Variants in NAAA observed in about 807,000 individuals in gnomAD.
NAAA encodes the protein N-acylethanolamine acid amidase, also known as N-acylethanolamine-hydrolyzing acid amidase.
A neutral mutation model predicts 44.8 loss-of-function variants in NAAA; 39 were observed. The observed-to-expected ratio is 0.87, with a 90% CI of 0.67 to 1.14. The LOEUF (loss-of-function observed/expected upper bound fraction) is 1.14. Among genes scored for constraint, NAAA ranks in the 50% most tolerant of loss-of-function variants. NAAA has a pLI of 0.00. For synonymous variants in NAAA, 178 were observed against 191.3 expected (o/e 0.93, Z 0.58); for missense variants, 460 against 467.8 (o/e 0.98, Z 0.15).
intron 9 of NAAA, among the ~76,000 whole-genome samples, chr4:75,915,798 G>A (rs1451220942): frequency 6.6e-6 from 1 of 152,194 alleles, no homozygotes; most frequent in African/African-American, 2.4e-5. Flanking sequence ...ATCTAAGGAT[G>A]AAAAGTATAG....
intron 9 of NAAA, chr4:75,917,372 C>G (rs1487375699): frequency 6.6e-6 from 1 of 152,280 alleles, no homozygotes; most frequent in African/African-American, 2.4e-5. Context: ...TCCCTTCCCA[C>G]ACAAAGAGCT....
In NAAA at chr4:75,919,916, A is replaced by T. The variant is rs774179530; in HGVS notation, c.962T>A (p.Leu321His). 1 of 1,613,224 alleles carries T rather than the reference A, an allele frequency of 6.2e-7. No homozygotes were observed. The highest frequency in any genetic ancestry group is 1.7e-5 in the Admixed American group (1 of 60,018). ...TGQANLSLEALFQILSVVPVY... is the reference protein window; with the variant it reads ...TGQANLSLEAHFQILSVVPVY... ...CACTGTGACACAAGTTACCTGGAAA[A>T]GTGCCTCCAGGCTGAGGTTTGCTTG... Residue 321 changes from leucine (L) to histidine (H), a missense_variant, in exon 8 of 11, where the codon CTT becomes CAT. Coordinates refer to ENST00000286733, the MANE Select transcript of NAAA (RefSeq NM_014435.4).
At chr4:75,923,400 G>A (rs1000722920) in intron 5 of NAAA, among the ~76,000 whole-genome samples, 16 of 152,264 alleles carry the variant, frequency 1.1e-4, no homozygotes, top group Admixed American at 9.8e-4. Context: ...TTCTAACAAA[G>A]AGCAGCCTGA....
intron 5 of NAAA, among the ~76,000 whole-genome samples, chr4:75,924,215 C>T (rs569030739): frequency 6.6e-6 from 1 of 152,316 alleles, no homozygotes; most frequent in Non-Finnish European, 1.5e-5. Context: ...ACAAATGAGG[C>T]CGTTTCATTT....
In NAAA at chr4:75,925,719, C is replaced by T. The variant is rs1726615737; in HGVS notation, c.666+16G>A. 6.2e-7 allele frequency: 1 copy of T among 1,613,640 alleles called. No individual in the cohort carries two copies. Among genetic ancestry groups the T allele is most frequent in the Non-Finnish European group, 8.5e-7 (1 of 1,179,536 alleles). Reference sequence around the variant, plus strand: ...GGAGGTGGAGTTAAGGAGGGCTCCACATTAAATATACTCACAGCGCGGATC... The same window carrying T: ...GGAGGTGGAGTTAAGGAGGGCTCCATATTAAATATACTCACAGCGCGGATC... On this transcript the variant is annotated intron_variant, in intron 5 of 10. Coordinates refer to ENST00000286733, the MANE Select transcript of NAAA (RefSeq NM_014435.4).
chr4:75,931,164 G>T lies in NAAA; in HGVS notation c.589+50C>A, dbSNP rs778047713. ...GGTGAGTGAAGGAAGTGCTTGGATA[G>T]AACTGAACAATAATGTAGCTAAAAT... is the stretch of plus-strand genomic sequence containing the variant. On this transcript the variant is annotated intron_variant, in intron 4 of 10. Coordinates refer to ENST00000286733, the MANE Select transcript of NAAA (RefSeq NM_014435.4). The T allele has an allele frequency of 4.1e-6, 6 of 1,466,292 alleles. No homozygotes were observed. The African/African-American group carries it at 4.2e-5, about 10-fold the overall frequency. 90.8% of individuals were successfully genotyped at this position (1,466,292 alleles called of 1,614,324 possible). A position where few individuals can be genotyped will look rare whatever the true frequency, so the allele number is the denominator to read the frequency against.
Position 75,919,996 on chromosome 4 carries a change from G to A in NAAA, c.903-21C>T, listed in dbSNP as rs76986990. The A allele has an allele frequency of 4.0e-3, 6,492 of 1,608,668 alleles. 219 individuals carry two copies. In the African/African-American group the frequency reaches 0.076, roughly 19 times the overall value. On this transcript the variant is annotated intron_variant, in intron 7 of 10. Coordinates refer to ENST00000286733, the MANE Select transcript of NAAA (RefSeq NM_014435.4). ...ATGTTCTGTAAGGACAAAGGTCGAA[G>A]GTCACTTGGCATTTCAACAAGCACT... is the stretch of plus-strand genomic sequence containing the variant.
chr4:75,913,431 T>G (rs1725412390), downstream of NAAA, among the ~76,000 whole-genome samples: 1 of 152,070 alleles, frequency 6.6e-6, no homozygotes, highest in Admixed American at 6.6e-5. Context: ...ATGGACTGAG[T>G]GCTGCTTCAG....
At chr4:75,934,473 G>A (rs1372348409) in intron 3 of NAAA, among the ~76,000 whole-genome samples, 1 of 135,488 alleles carries the variant, frequency 7.4e-6, no homozygotes, top group African/African-American at 2.8e-5. Flanking sequence ...CCACCCACAC[G>A]CCCAGCTAAT....
rs201477440 is a variant in NAAA, at chr4:75,920,998, G to C, written c.792C>G (p.Asn264Lys). The C allele has an allele frequency of 3.5e-5, 56 of 1,612,036 alleles. No individual in the cohort carries two copies. The highest frequency in any genetic ancestry group is 1.2e-4 in the Admixed American group (7 of 59,222). The part of the protein sequence containing the change: ...SPREGVVITR[N>K]RDGPADIWPL... ...GCCAAATGTCTGCTGGGCCATCTCT[G>C]TTCCTCGTGATGACCACCCCCTCCC... The change falls in exon 6 of 11, where the codon AAC becomes AAG. Residue 264 changes from asparagine to lysine, a missense_variant. By Grantham distance (94) the Asn-to-Lys change is moderately conservative. Coordinates refer to ENST00000286733, the MANE Select transcript of NAAA (RefSeq NM_014435.4).
At chr4:75,930,675 G>A (rs1727148989) in intron 4 of NAAA, among the ~76,000 whole-genome samples, 2 of 152,136 alleles carry the variant, frequency 1.3e-5, no homozygotes, top group African/African-American at 4.8e-5. Flanking sequence ...AATCACATCT[G>A]TTCACTCCCT....
At chr4:75,935,247 T>A (rs1727606279) in intron 3 of NAAA, 1 of 152,222 alleles carries the variant, frequency 6.6e-6, no homozygotes, top group Non-Finnish European at 1.5e-5. Flanking sequence ...ACTGAGTAGT[T>A]AGTAAATGAG....
downstream of NAAA, among the ~76,000 whole-genome samples, chr4:75,912,765 C>T (rs1340461073): frequency 6.7e-6 from 1 of 149,410 alleles, no homozygotes; most frequent in Non-Finnish European, 1.5e-5. Context: ...TGGAACAAGA[C>T]CCTGTCTCAA....
chr4:75,918,612 C>A, intron 9 of NAAA, 149 bp downstream of exon 9: 43 of 633,722 alleles, frequency 6.8e-5, no homozygotes, highest in East Asian at 2.1e-4. Flanking sequence ...TTGTTTTGCT[C>A]GCAGCTGTAC....
At position 75,920,776 on chromosome 4, in the gene NAAA, G is replaced by A. The variant is rs144450712; in HGVS notation, c.864C>T (p.Tyr288=). Reference sequence around the variant, plus strand: ...CCTTGGGTGCTGGCTTCCAGTGGTCGTAATTTGTCTCAACTCGGAACCACC... The same window carrying A: ...CCTTGGGTGCTGGCTTCCAGTGGTCATAATTTGTCTCAACTCGGAACCACC... ...NGAWFRVETN[Y]DHWKPAPKED... The change falls in exon 7 of 11, where the codon TAC becomes TAT. Residue 288 remains tyrosine, a synonymous_variant. Transcript: ENST00000286733. 1.5e-4 allele frequency: 244 copies of A among 1,614,180 alleles called. No homozygotes were observed. The African/African-American group carries it at 1.6e-3, about 11-fold the overall frequency.
At position 75,921,005 on chromosome 4, in the gene NAAA, G is replaced by A. The variant is rs1357187772; in HGVS notation, c.785C>T (p.Thr262Met). ...GTSPREGVVI[T>M]RNRDGPADIW... ...GTCTGCTGGGCCATCTCTGTTCCTCGTGATGACCACCCCCTCCCGGGGGGA... is the reference window on the plus strand; with the variant it reads ...GTCTGCTGGGCCATCTCTGTTCCTCATGATGACCACCCCCTCCCGGGGGGA... Residue 262 changes from threonine to methionine, a missense_variant, in exon 6 of 11, where the codon ACG becomes ATG. Coordinates refer to ENST00000286733, the MANE Select transcript of NAAA (RefSeq NM_014435.4). The A allele has an allele frequency of 1.7e-5, 27 of 1,611,688 alleles. No individual in the cohort carries two copies. The highest frequency in any genetic ancestry group is 2.2e-5 in the South Asian group (2 of 90,550).
intron 1 of NAAA, among the ~76,000 whole-genome samples, chr4:75,940,461 C>A (rs1178252076): frequency 6.6e-6 from 1 of 152,238 alleles, no homozygotes; most frequent in Non-Finnish European, 1.5e-5. Context: ...GCGCGGGTTG[C>A]CCCTCCTTGG....
At chr4:75,936,072 C>G (rs768770634) in intron 3 of NAAA, 37 bp downstream of exon 3, 1 of 1,612,318 alleles carries the variant, frequency 6.2e-7, no homozygotes, top group East Asian at 2.2e-5. Context: ...GTTTGCAAAT[C>G]TTTCTGATTT....
At chr4:75,918,963 A>G (rs1332367062) in intron 8 of NAAA, among the ~76,000 whole-genome samples, 174 bp from the exon 9 acceptor site, 6 of 152,084 alleles carry the variant, frequency 3.9e-5, no homozygotes, top group Non-Finnish European at 7.4e-5. Context: ...GGCAACATAG[A>G]GAGACCCTGT....
Sources: allele counts gnomAD v4.1 joint callset (sites outside exome capture counted in the v4.1 genomes callset), GRCh38; gene constraint gnomAD v4.1.1; transcripts MANE v1.5; gene names NCBI Gene and HGNC (gene_info 2026-07-23, HGNC 2026-07-21).